ITGA2: variants seen among roughly 807,000 people sequenced by gnomAD.
The protein encoded by ITGA2 is integrin alpha-2.
In ITGA2, 101 loss-of-function variants were observed where a neutral mutation model predicts 146.3. The observed-to-expected ratio is 0.69, with a 90% confidence interval of 0.59 to 0.81. The LOEUF (loss-of-function observed/expected upper bound fraction) is 0.81. Among genes scored for constraint, ITGA2 ranks in the 40% least tolerant of loss-of-function variants. ITGA2 has a pLI of 0.00. For missense variants in ITGA2, 1,281 were observed against 1,402.7 expected (o/e 0.91, Z 1.39); for synonymous variants, 477 against 487.1 (o/e 0.98, Z 0.27).
At chr5:53,070,949 G>T (rs3212574) in intron 17 of ITGA2, among the ~76,000 whole-genome samples, 156 of 151,836 alleles carry the variant, frequency 1.0e-3, no homozygotes, top group Admixed American at 2.4e-3. Context: ...TTTAAGGTGC[G>T]AAAGAACTGC....
At chr5:53,030,527 C>G (rs1743175497) in intron 2 of ITGA2, among the ~76,000 whole-genome samples, 1 of 152,170 alleles carries the variant, frequency 6.6e-6, no homozygotes. Context: ...ACCTGAAGGG[C>G]TGAACCATAT....
chr5:53,083,602 C>T (rs1248739374), intron 27 of ITGA2, 149 bp downstream of exon 27: 1 of 688,628 alleles, frequency 1.5e-6, no homozygotes, highest in Non-Finnish European at 2.6e-6. Context: ...AAAGGCAGCA[C>T]ACTTCCATCG....
At position 53,059,974 on chromosome 5, in the gene ITGA2, A is replaced by T. The variant is rs774971195; in HGVS notation, c.1274A>T (p.Asp425Val). The T allele has an allele frequency of 6.2e-7, 1 of 1,612,362 alleles. No individual in the cohort carries two copies. Among genetic ancestry groups the T allele is most frequent in the Non-Finnish European group, 8.5e-7 (1 of 1,178,958 alleles). Reference protein sequence around the residue: ...GHLIFPKQAFDQILQDRNHSS... With the variant: ...GHLIFPKQAFVQILQDRNHSS... The stretch of plus-strand genomic sequence containing the variant: ...TTGATCTTTCCTAAACAAGCCTTTG[A>T]CCAAATTCTGCAGGACAGAAATCAC... Residue 425 changes from aspartate (D) to valine (V), a missense_variant, in exon 11 of 30, where the codon GAC becomes GTC. Physicochemically the swap from Asp to Val is radical, Grantham distance 152 (BLOSUM62 -3). Around this residue, in one of 3 missense-constraint regions of ITGA2, gnomAD observed 795 missense variants for 841.7 expected, o/e 0.94. Transcript: ENST00000296585.
At chr5:53,048,553 C>T in intron 5 of ITGA2, 76 bp downstream of exon 5, 1 of 1,607,726 alleles carries the variant, frequency 6.2e-7, no homozygotes, top group Non-Finnish European at 8.5e-7. Context: ...CAACTAGTGG[C>T]ACCCAAACCC....
chr5:52,996,525 T>A (rs1211572865), intron 1 of ITGA2, among the ~76,000 whole-genome samples: 1 of 151,962 alleles, frequency 6.6e-6, no homozygotes, highest in Non-Finnish European at 1.5e-5. Flanking sequence ...CAGGGAAAGG[T>A]GTGAAGTTGA....
rs540179904 is a variant in ITGA2 at position 53,039,387 on chromosome 5, A to G, written c.186-2725A>G. 2.0e-5 allele frequency among the ~76,000 whole-genome samples: 3 copies of G among 152,336 alleles called. No individual in the cohort carries two copies. The South Asian group carries it at 6.2e-4, about 32-fold the overall frequency. On this transcript the variant is annotated intron_variant, in intron 2 of 29. Transcript: ENST00000296585. Reference sequence around the variant, plus strand: ...CAGATGACACAATAACACAATGGTAACAGAATGTATAATGCTTCCCTCTCA... The same window carrying G: ...CAGATGACACAATAACACAATGGTAGCAGAATGTATAATGCTTCCCTCTCA...
In ITGA2 at chr5:53,051,419, A is replaced by G. The variant is rs752944789; in HGVS notation, c.639A>G (p.Leu213=). Residue 213 remains leucine (L), a synonymous_variant, in exon 7 of 30, where the codon TTA becomes TTG. Coordinates refer to ENST00000296585, the MANE Select transcript of ITGA2 (RefSeq NM_002203.4). ...DIGPTKTQVG[L]IQYANNPRVV... is the part of the protein sequence containing the mutation. ...TGTCTCCTCTGTTGAAGGTGGGGTT[A>G]ATTCAGTATGCCAATAATCCAAGAG... 2 of 1,613,220 alleles carry G rather than the reference A, an allele frequency of 1.2e-6. No individual in the cohort carries two copies. Among genetic ancestry groups the G allele is most frequent in the South Asian group, 2.2e-5 (2 of 91,072 alleles).
rs1488959908 is a variant in ITGA2, at chr5:53,078,927, A to G, written c.2928+53A>G. On this transcript the variant is annotated intron_variant, in intron 24 of 29. Transcript: ENST00000296585. The stretch of plus-strand genomic sequence containing the variant: ...AATCCAGGAGAAAGTGAGAAGAAAA[A>G]AAATGAGTCTGGAAATAAAAGGAGA... The G allele has an allele frequency of 5.1e-6, 5 of 981,974 alleles. No homozygotes were observed. The East Asian group carries it at 9.6e-5, about 19-fold the overall frequency. 60.8% of individuals were successfully genotyped at this position (981,974 alleles called of 1,614,324 possible).
At chr5:53,018,381 G>T (rs933978382) in intron 1 of ITGA2, among the ~76,000 whole-genome samples, 1 of 152,148 alleles carries the variant, frequency 6.6e-6, no homozygotes, top group African/African-American at 2.4e-5. Context: ...GGATGCTGGA[G>T]GTCCATGGCA....
chr5:52,997,948 A>G (rs1361497550), intron 1 of ITGA2, among the ~76,000 whole-genome samples: 2 of 152,146 alleles, frequency 1.3e-5, no homozygotes, highest in Non-Finnish European at 2.9e-5. Flanking sequence ...AATCTTTATT[A>G]TTTTTTCAGT....
At chr5:53,073,062 C>T (rs1745472255) in intron 19 of ITGA2, 56 bp from the exon 20 acceptor site, 8 of 1,557,544 alleles carry the variant, frequency 5.1e-6, no homozygotes, top group South Asian at 1.1e-5. Flanking sequence ...TTTTAAAATA[C>T]TGGCCTTTTT....
At chr5:53,058,313 A>G (rs756490834) in intron 10 of ITGA2, among the ~76,000 whole-genome samples, 1 of 151,790 alleles carries the variant, frequency 6.6e-6, no homozygotes, top group Non-Finnish European at 1.5e-5. Flanking sequence ...GGGATCTTAT[A>G]TGGGGGAAAA....
At chr5:53,090,166 CAAGGAG>C (rs368109959) in intron 29 of ITGA2, 104 bp downstream of exon 29, 7 of 770,762 alleles carry the variant, frequency 9.1e-6, no homozygotes, top group African/African-American at 3.5e-5. Flanking sequence ...TTCTCTATCA[CAAGGAG>C]AAAAGAAATG....
rs1013383984 is a variant in ITGA2, at chr5:53,091,861, G to C, written c.*1262G>C. ...AACAATGTAAAGTAAGACATCTCAG[G>C]ATTTCACCAGAAGTTACAGATGAGG... On this transcript the variant is annotated 3_prime_UTR_variant, in exon 30 of 30. Coordinates refer to ENST00000296585, the MANE Select transcript of ITGA2 (RefSeq NM_002203.4). 1.3e-5 allele frequency: 2 copies of C among 152,178 alleles called. No individual in the cohort carries two copies. Among genetic ancestry groups the C allele is most frequent in the Non-Finnish European group, 2.9e-5 (2 of 68,038 alleles). 9.4% of individuals were successfully genotyped at this position (152,178 alleles called of 1,614,324 possible).
At chr5:53,041,833 A>G (rs548808092) in intron 2 of ITGA2, among the ~76,000 whole-genome samples, 1 of 152,266 alleles carries the variant, frequency 6.6e-6, no homozygotes, top group Non-Finnish European at 1.5e-5. Flanking sequence ...AAAATTTGAA[A>G]TTATATATGT....
chr5:53,048,302 A>G, intron 4 of ITGA2, 61 bp from the exon 5 acceptor site: 1 of 1,181,700 alleles, frequency 8.5e-7, no homozygotes, highest in Non-Finnish European at 1.3e-6. Flanking sequence ...TCCATAATGG[A>G]GAGGTAGAAG....
intron 2 of ITGA2, among the ~76,000 whole-genome samples, chr5:53,039,739 CAAA>C (rs1175067104): frequency 0.089 from 2,885 of 32,502 alleles, 22 homozygotes; most frequent in East Asian, 0.16. Flanking sequence ...GACTCCATCT[CAAA>C]AAAAAAAAAA....
intron 16 of ITGA2, among the ~76,000 whole-genome samples, chr5:53,068,465 C>T (rs1745244259): frequency 6.6e-6 from 1 of 151,882 alleles, no homozygotes; most frequent in Non-Finnish European, 1.5e-5. Flanking sequence ...GTCAGCTCTT[C>T]TGGCCCCGAA....
chr5:53,071,798 C>G lies in ITGA2; in HGVS notation c.2236-140C>G, dbSNP rs2111995376. The G allele has an allele frequency of 3.2e-5, 23 of 709,818 alleles. No homozygotes were observed. The South Asian group carries it at 3.5e-4, about 11-fold the overall frequency. The allele number at this position is 709,818 out of a possible 1,614,324, so 44.0% of individuals were successfully genotyped here. On this transcript the variant is annotated intron_variant, in intron 17 of 29. Transcript: ENST00000296585. Reference sequence around the variant, plus strand: ...AAGCGAGAGTCTTGATTATTCACAACAAAGATATTCTACATAATTGAGAGC... The same window carrying G: ...AAGCGAGAGTCTTGATTATTCACAAGAAAGATATTCTACATAATTGAGAGC...
Sources: gnomAD v4.1 joint callset for allele counts (sites outside exome capture counted in the v4.1 genomes callset) on GRCh38, gnomAD v4.1.1 for gene constraint, gnomAD v4.1.1 regional missense constraint, MANE v1.5 for transcripts, NCBI Gene and HGNC (gene_info 2026-07-23, HGNC 2026-07-21) for gene names.